VWA5B1: variants seen among roughly 807,000 people sequenced by gnomAD.
The protein encoded by VWA5B1 is von Willebrand factor A domain containing 5B1.
VWA5B1 carries 115 observed loss-of-function variants against 118.2 expected under a neutral mutation model. That is an observed-to-expected ratio of 0.97 (90% CI 0.84 to 1.14). VWA5B1 has a LOEUF of 1.14. Among genes scored for constraint, VWA5B1 ranks in the 50% most tolerant of loss-of-function variants. VWA5B1 has a pLI of 0.00. For missense variants in VWA5B1, 1,596 were observed against 1,603.8 expected, an observed-to-expected ratio of 1.00 and a Z score of 0.08; for synonymous variants, 682 against 658.4, an observed-to-expected ratio of 1.04 and a Z score of -0.55.
At chr1:20,339,724 C>T (rs1248257549) in intron 14 of VWA5B1, among the ~76,000 whole-genome samples, 1 of 151,806 alleles carries the variant, frequency 6.6e-6, no homozygotes, top group African/African-American at 2.4e-5. Flanking sequence ...AGGGTAGGGA[C>T]ACTGCAATCT....
In VWA5B1 at chr1:20,330,928, C is replaced by G. The variant is rs12072406; in HGVS notation, c.1517C>G (p.Ser506Cys). Residue 506 changes from serine to cysteine, a missense_variant, in exon 11 of 22, where the codon TCT becomes TGT. Coordinates refer to ENST00000289815, the MANE Select transcript of VWA5B1 (RefSeq NM_001039500.3). ...CACAGACTGGTGAAAGGACTGGCAT[C>G]TGTGTCCGAGGGCAGTGCTGAGCTC... ...VCHRLVKGLA[S>C]VSEGSAELLM... The G allele has an allele frequency of 3.2e-3, 4,902 of 1,551,686 alleles. 119 individuals carry two copies. The African/African-American group carries it at 0.055, about 17-fold the overall frequency.
At chr1:20,312,767 T>C in intron 2 of VWA5B1, 69 bp from the exon 3 acceptor site, 2 of 1,459,536 alleles carry the variant, frequency 1.4e-6, no homozygotes, top group East Asian at 2.6e-5. Flanking sequence ...AGGGTTCAGG[T>C]TCCTTCCAGG....
intron 3 of VWA5B1, 60 bp downstream of exon 3, chr1:20,313,048 G>A: frequency 6.5e-7 from 1 of 1,529,904 alleles, no homozygotes; most frequent in Non-Finnish European, 8.8e-7. Flanking sequence ...GGCTGCCTGG[G>A]CTGGAGCCTC....
intron 21 of VWA5B1, among the ~76,000 whole-genome samples, chr1:20,352,487 G>A (rs1034816294): frequency 8.5e-5 from 13 of 152,150 alleles, no homozygotes; most frequent in South Asian, 2.1e-4. Flanking sequence ...TCTACTCCAC[G>A]CATCTATGTG....
In VWA5B1 at chr1:20,343,287, C is replaced by T. The variant is rs1209986226; in HGVS notation, c.2520C>T (p.Gly840=). ...GGACCCCTGGACCGGAGCGGGGCGGCGCGCAGGATGCCGACCTATGGAGCG... is the reference window on the plus strand; with the variant it reads ...GGACCCCTGGACCGGAGCGGGGCGGTGCGCAGGATGCCGACCTATGGAGCG... ...ELGTPGPERG[G]AQDADLWSET... is the part of the protein sequence containing the mutation. The change falls in exon 16 of 22, where the codon GGC becomes GGT. Residue 840 remains glycine (G), a synonymous_variant. Transcript: ENST00000289815. The T allele has an allele frequency of 1.3e-6, 2 of 1,547,714 alleles. No individual in the cohort carries two copies. Among genetic ancestry groups the T allele is most frequent in the Admixed American group, 2.0e-5 (1 of 50,992 alleles).
chr1:20,343,254 C>A lies in VWA5B1; in HGVS notation c.2487C>A (p.Phe829Leu), dbSNP rs774739634. Residue 829 changes from phenylalanine (F) to leucine (L), a missense_variant, in exon 16 of 22, where the codon TTC (phenylalanine) becomes TTA (leucine). By Grantham distance (22) the Phe-to-Leu change is conservative. Coordinates refer to ENST00000289815, the MANE Select transcript of VWA5B1 (RefSeq NM_001039500.3). ...AACGCCTGCAGTGGGAGGTGAGCTT[C>A]GAGCTGGGGACCCCTGGACCGGAGC... ...DSQRLQWEVSFELGTPGPERG... is the reference protein window; with the variant it reads ...DSQRLQWEVSLELGTPGPERG... 3 of 1,548,900 alleles carry A rather than the reference C, an allele frequency of 1.9e-6. No homozygotes were observed. The South Asian group carries it at 3.6e-5, about 18-fold the overall frequency.
Position 20,314,572 on chromosome 1 carries a change from C to A in VWA5B1, c.543C>A (p.Thr181=). 6.4e-7 allele frequency: 1 copy of A among 1,551,506 alleles called. No individual in the cohort carries two copies. Among genetic ancestry groups the A allele is most frequent in the Non-Finnish European group, 8.7e-7 (1 of 1,146,982 alleles). Residue 181 remains threonine, a synonymous_variant, in exon 4 of 22, where the codon ACC becomes ACA. Coordinates refer to ENST00000289815, the MANE Select transcript of VWA5B1 (RefSeq NM_001039500.3). ...VPQFCTKSTG[T]SNQQAQGKDR... is the part of the protein sequence containing the mutation. ...AGTTCTGCACCAAGAGCACTGGCACCTCCAACCAACAGGCCCAGGGGTAAG... is the reference window on the plus strand; with the variant it reads ...AGTTCTGCACCAAGAGCACTGGCACATCCAACCAACAGGCCCAGGGGTAAG...
intron 12 of VWA5B1, 127 bp downstream of exon 12, chr1:20,333,078 TAC>T (rs2089618685): frequency 3.3e-6 from 4 of 1,200,198 alleles, no homozygotes; most frequent in South Asian, 1.6e-5. Context: ...GCTGTGGGTT[TAC>T]AGTTTTCCCA....
At position 20,357,453 on chromosome 1, in the gene VWA5B1, G is replaced by A. The variant is rs230177; in HGVS notation, c.*3190G>A. On this transcript the variant is annotated 3_prime_UTR_variant, in exon 22 of 22. Coordinates refer to ENST00000289815, the MANE Select transcript of VWA5B1 (RefSeq NM_001039500.3). ...CTGACCCGTTAATATGTTACTGTGC[G>A]TTGTCAGGCTCCGAGCAGGTGACCC... Among the ~76,000 whole-genome samples the A allele has an allele frequency of 0.33, 50,036 of 152,076 alleles. 9,882 individuals are homozygous for A. The highest frequency in any genetic ancestry group is 0.55 in the African/African-American group (22,834 of 41,468).
intron 12 of VWA5B1, among the ~76,000 whole-genome samples, chr1:20,334,769 C>T (rs2089667300): frequency 6.6e-6 from 1 of 152,138 alleles, no homozygotes; most frequent in African/African-American, 2.4e-5. Context: ...CAAGATCATG[C>T]CACTGCACTC....
chr1:20,297,421 G>T (rs1032359968), intron 1 of VWA5B1, among the ~76,000 whole-genome samples: 1 of 152,180 alleles, frequency 6.6e-6, no homozygotes, highest in African/African-American at 2.4e-5. Flanking sequence ...AGTGACACAC[G>T]TCGCTTCCAC....
chr1:20,342,659 T>A, intron 15 of VWA5B1, 50 bp downstream of exon 15: 2 of 1,439,232 alleles, frequency 1.4e-6, no homozygotes, highest in East Asian at 5.2e-5. Flanking sequence ...GAGGAATCAC[T>A]GGCTGTTGTT....
At chr1:20,308,181 A>T (rs1177329974) in intron 1 of VWA5B1, among the ~76,000 whole-genome samples, 1 of 152,224 alleles carries the variant, frequency 6.6e-6, no homozygotes, top group Non-Finnish European at 1.5e-5. Context: ...CTCCAGCTGC[A>T]TCCATGTTGC....
At chr1:20,332,346 G>A (rs1157598513) in intron 11 of VWA5B1, among the ~76,000 whole-genome samples, 1 of 151,972 alleles carries the variant, frequency 6.6e-6, no homozygotes, top group Non-Finnish European at 1.5e-5. Flanking sequence ...TGGGCATGAT[G>A]GCGGGTGCCT....
intron 16 of VWA5B1, among the ~76,000 whole-genome samples, chr1:20,343,961 C>G (rs1353295096): frequency 2.9e-5 from 4 of 135,944 alleles, no homozygotes; most frequent in Admixed American, 7.3e-5. Flanking sequence ...CTTCAGCCCC[C>G]TTCATCTCCC....
intron 12 of VWA5B1, among the ~76,000 whole-genome samples, chr1:20,334,407 T>C (rs1308639507): frequency 1.3e-5 from 2 of 152,228 alleles, no homozygotes; most frequent in Non-Finnish European, 2.9e-5. Flanking sequence ...TACTCAATAC[T>C]GGCAACGTTT....
chr1:20,340,550 G>A (rs1382852481), intron 14 of VWA5B1, among the ~76,000 whole-genome samples: 3 of 152,170 alleles, frequency 2.0e-5, no homozygotes, highest in African/African-American at 7.2e-5. Context: ...GGATGGAAAA[G>A]CCCCCATGGT....
At chr1:20,293,586 T>A (rs1050661740) in intron 1 of VWA5B1, among the ~76,000 whole-genome samples, 17 of 152,094 alleles carry the variant, frequency 1.1e-4, no homozygotes, top group African/African-American at 3.9e-4. Flanking sequence ...CTCACAGGCG[T>A]CCTTACTCCA....
intron 7 of VWA5B1, among the ~76,000 whole-genome samples, chr1:20,321,347 G>A (rs761568564): frequency 6.6e-6 from 1 of 152,182 alleles, no homozygotes; most frequent in Non-Finnish European, 1.5e-5. Context: ...AGCACTCTGG[G>A]AGGCCGAGAC....
Sources: allele counts gnomAD v4.1 joint callset (sites outside exome capture counted in the v4.1 genomes callset), GRCh38; gene constraint gnomAD v4.1.1; transcripts MANE v1.5; gene names NCBI Gene and HGNC (gene_info 2026-07-23, HGNC 2026-07-21).